ORC1: variants seen among roughly 807,000 people sequenced by gnomAD.
The protein encoded by ORC1 is origin recognition complex, subunit 1 homolog.
Under a neutral mutation model 98.9 loss-of-function variants are expected in ORC1, and 61 were observed. That is an observed-to-expected ratio of 0.62 (90% CI 0.50 to 0.76). The LOEUF (loss-of-function observed/expected upper bound fraction) is 0.76, where lower values mean the gene tolerates loss of function less well. Ranked by LOEUF, ORC1 falls within the 30% of genes least tolerant of loss-of-function variation. The pLI, the probability that ORC1 is intolerant of heterozygous loss-of-function variation, is 0.00. For missense variants in ORC1, 979 were observed against 1,072.2 expected (o/e 0.91, Z 1.21); for synonymous variants, 385 against 406.9 (o/e 0.95, Z 0.65).
At chr1:52,377,169 T>A (rs1647004887) in intron 14 of ORC1, among the ~76,000 whole-genome samples, 1 of 151,954 alleles carries the variant, frequency 6.6e-6, no homozygotes, top group African/African-American at 2.4e-5. Context: ...ATTAAAGGCA[T>A]CTGCCACCAC....
In ORC1 at chr1:52,395,283, T is replaced by C. The variant is rs151030466; in HGVS notation, c.721+763A>G. ...ATAAAAATATATGTGTGTCTGCATA[T>C]AGGTATACATATATGTATATGTATC... is the stretch of plus-strand genomic sequence containing the variant. On this transcript the variant is annotated intron_variant, in intron 5 of 16. Transcript: ENST00000371568. Among the ~76,000 whole-genome samples the C allele has an allele frequency of 7.8e-3, 1,184 of 152,238 alleles. 18 individuals carry two copies. The highest frequency in any genetic ancestry group is 0.027 in the African/African-American group (1,126 of 41,542).
upstream of ORC1, among the ~76,000 whole-genome samples, chr1:52,407,054 G>C (rs774311759): frequency 6.6e-6 from 1 of 152,218 alleles, no homozygotes; most frequent in Non-Finnish European, 1.5e-5. Flanking sequence ...GTCTCGCTCT[G>C]TTGCCCAGGC....
intron 4 of ORC1, among the ~76,000 whole-genome samples, 174 bp from the exon 5 acceptor site, chr1:52,396,538 TAATG>T (rs1647408306): frequency 1.3e-5 from 2 of 152,196 alleles, no homozygotes; most frequent in South Asian, 4.1e-4. Context: ...AAACACATAA[TAATG>T]AATATTTACT....
intron 12 of ORC1, 126 bp from the exon 13 acceptor site, chr1:52,383,695 G>A: frequency 7.7e-7 from 1 of 1,298,808 alleles, no homozygotes; most frequent in South Asian, 1.2e-5. Context: ...ACAATCCATT[G>A]ACACACGCCT....
Position 52,374,812 on chromosome 1 carries a change from G to A in ORC1, c.2389C>T (p.Gln797Ter), listed in dbSNP as rs774414902. Residue 797 changes from glutamine to a stop codon, truncating the protein, a stop_gained and splice_region_variant, in exon 16 of 17, where the codon CAG (glutamine) becomes TAG (stop). Coordinates refer to ENST00000371568, the MANE Select transcript of ORC1 (RefSeq NM_004153.4). LOFTEE classifies it high-confidence loss of function. The stretch of plus-strand genomic sequence containing the variant: ...ATTTGAAAAGAGGAGGAGATCACCT[G>A]TTGAAACGTGGCTTCCTCCAGTCCT... ...RSGLEEATFQ[Q>*]IYSQHVALCR... is the part of the protein sequence containing the mutation. 6.8e-6 allele frequency: 11 copies of A among 1,606,838 alleles called. No homozygotes were observed. The South Asian group carries it at 1.2e-4, about 18-fold the overall frequency.
chr1:52,392,778 C>T (rs1474174432), intron 6 of ORC1, among the ~76,000 whole-genome samples: 5 of 152,090 alleles, frequency 3.3e-5, no homozygotes, highest in African/African-American at 1.2e-4. Context: ...GGAGATGAGA[C>T]CATTATTCTA....
rs765136006 is a variant in ORC1 at position 52,402,180 on chromosome 1, G to A, written c.44C>T (p.Ser15Leu). The A allele has an allele frequency of 3.1e-6, 5 of 1,614,190 alleles. No homozygotes were observed. The highest frequency in any genetic ancestry group is 4.2e-6 in the Non-Finnish European group (5 of 1,180,032). ...ATCCAACAAGGGCCTGCCAACCCAT[G>A]AATAAGTTTTTCTGGTCTTCAGCCT... ...PTRLKTRKTY[S>L]WVGRPLLDRK... is the part of the protein sequence containing the mutation. Residue 15 changes from serine to leucine, a missense_variant, in exon 2 of 17, where the codon TCA (serine) becomes TTA (leucine). Coordinates refer to ENST00000371568, the MANE Select transcript of ORC1 (RefSeq NM_004153.4).
intron 3 of ORC1, among the ~76,000 whole-genome samples, chr1:52,398,899 C>T (rs1455646019): frequency 6.6e-6 from 1 of 152,090 alleles, no homozygotes; most frequent in Admixed American, 6.6e-5. Flanking sequence ...CTTAATCCTT[C>T]TAATAACCCT....
At chr1:52,397,588 G>A in intron 4 of ORC1, 97 bp downstream of exon 4, 3 of 1,077,050 alleles carry the variant, frequency 2.8e-6, no homozygotes, top group Non-Finnish European at 4.3e-6. Context: ...CATTCCCTAT[G>A]GGGTATTAGA....
At chr1:52,378,058 G>A (rs1033177074) in intron 14 of ORC1, among the ~76,000 whole-genome samples, 3 of 152,100 alleles carry the variant, frequency 2.0e-5, no homozygotes, top group Non-Finnish European at 4.4e-5. Flanking sequence ...TAAAAAAACC[G>A]GGCTGGGGCG....
upstream of ORC1, chr1:52,404,794 C>T: frequency 6.2e-7 from 1 of 1,614,172 alleles, no homozygotes. Flanking sequence ...TCCATGGCAC[C>T]AACCCTCAAT....
In ORC1 at chr1:52,384,587, A is replaced by G; in HGVS notation, c.1718T>C (p.Leu573Pro). Residue 573 changes from leucine (L) to proline (P), a missense_variant, in exon 11 of 17, where the codon CTG becomes CCG. By Grantham distance (98) the Leu-to-Pro change is moderately conservative. Coordinates refer to ENST00000371568, the MANE Select transcript of ORC1 (RefSeq NM_004153.4). ...FQYIEVNGMK[L>P]TEPHQVYVQI... is the part of the protein sequence containing the mutation. ...CACATAGACTTGGTGGGGCTCCGTC[A>G]GCTTCATGCCATTGACCTCAATGTA... 1 of 1,614,216 alleles carries G rather than the reference A, an allele frequency of 6.2e-7. No homozygotes were observed. The highest frequency in any genetic ancestry group is 8.5e-7 in the Non-Finnish European group (1 of 1,180,034).
intron 8 of ORC1, among the ~76,000 whole-genome samples, chr1:52,386,592 C>A (rs142740480): frequency 6.6e-6 from 1 of 152,210 alleles, no homozygotes; most frequent in African/African-American, 2.4e-5. Flanking sequence ...ACTCCACCCA[C>A]CCTCTGTTTT....
rs1646976322 is a variant in ORC1, at chr1:52,375,018, A to G, written c.2304-121T>C. On this transcript the variant is annotated intron_variant, in intron 15 of 16. Coordinates refer to ENST00000371568, the MANE Select transcript of ORC1 (RefSeq NM_004153.4). ...GAAAACCCGGGAAATAATTTCTCCT[A>G]TATTATGTGGCAAGGATCTCCCTGA... The G allele has an allele frequency of 4.2e-6, 3 of 708,004 alleles. No homozygotes were observed. The East Asian group carries it at 8.1e-5, about 19-fold the overall frequency. The allele number at this position is 708,004 out of a possible 1,614,324, so 43.9% of individuals were successfully genotyped here.
intron 1 of ORC1, among the ~76,000 whole-genome samples, chr1:52,402,842 A>C (rs1053534609): frequency 6.6e-6 from 1 of 152,174 alleles, no homozygotes; most frequent in Non-Finnish European, 1.5e-5. Context: ...GGCTGCAGTG[A>C]GCCGAGATCG....
chr1:52,385,608 G>A (rs1489087755), intron 9 of ORC1, among the ~76,000 whole-genome samples: 9 of 152,142 alleles, frequency 5.9e-5, no homozygotes, highest in East Asian at 3.9e-4. Context: ...CCATCCCTGC[G>A]GAAATGATGG....
intron 6 of ORC1, among the ~76,000 whole-genome samples, chr1:52,392,191 G>A (rs1374312910): frequency 2.0e-5 from 3 of 151,032 alleles, no homozygotes; most frequent in African/African-American, 7.3e-5. Flanking sequence ...GTGCAGTGGC[G>A]CGACCTCCGC....
chr1:52,393,731 T>G lies in ORC1; in HGVS notation c.794A>C (p.Lys265Thr), dbSNP rs2147937968. 1 of 1,614,070 alleles carries G rather than the reference T, an allele frequency of 6.2e-7. No individual in the cohort carries two copies. The highest frequency in any genetic ancestry group is 8.5e-7 in the Non-Finnish European group (1 of 1,180,002). ...SLDSPGRIKR[K>T]VAFSEITSPS... Reference sequence around the variant, plus strand: ...TGAGGTGATCTCCGAGAAGGCCACTTTCCGTTTTATTCTTCCTGGAGAATC... The same window carrying G: ...TGAGGTGATCTCCGAGAAGGCCACTGTCCGTTTTATTCTTCCTGGAGAATC... The change falls in exon 6 of 17, where the codon AAA (lysine) becomes ACA (threonine). Residue 265 changes from lysine (K) to threonine (T), a missense_variant. By Grantham distance (78) the Lys-to-Thr change is moderately conservative. Transcript: ENST00000371568.
intron 15 of ORC1, 91 bp from the exon 16 acceptor site, chr1:52,374,988 A>G (rs1418260031): frequency 2.5e-6 from 2 of 799,586 alleles, no homozygotes; most frequent in African/African-American, 3.4e-5. Context: ...TGTCTTTAGA[A>G]AAGAGAAAAC....
Sources: allele counts gnomAD v4.1 joint callset (sites outside exome capture counted in the v4.1 genomes callset), GRCh38; gene constraint gnomAD v4.1.1; transcripts MANE v1.5; gene names NCBI Gene and HGNC (gene_info 2026-07-23, HGNC 2026-07-21).